PPA2: variants seen among roughly 807,000 people sequenced by gnomAD.
PPA2 encodes the protein inorganic pyrophosphatase 2.
A neutral mutation model predicts 49.5 loss-of-function variants in PPA2; 48 were observed. That is an observed-to-expected ratio of 0.97 (90% CI 0.77 to 1.23). PPA2 has a LOEUF of 1.23. Among genes scored for constraint, PPA2 ranks in the 50% most tolerant of loss-of-function variants. The pLI is 0.00. For synonymous variants in PPA2, 131 were observed against 139.9 expected (o/e 0.94, Z 0.45); for missense variants, 429 against 410.1 (o/e 1.05, Z -0.40).
chr4:105,422,395 A>G (rs548339165), intron 7 of PPA2, among the ~76,000 whole-genome samples: 29 of 152,348 alleles, frequency 1.9e-4, no homozygotes, highest in Admixed American at 1.9e-3. Flanking sequence ...ATATGAAAGG[A>G]ATTTAGAAAG....
chr4:105,415,122 G>A (rs529301476), intron 7 of PPA2, among the ~76,000 whole-genome samples: 67 of 152,282 alleles, frequency 4.4e-4, no homozygotes, highest in African/African-American at 1.3e-3. Flanking sequence ...CCCAGAAAAC[G>A]CACCTTAGGT....
intron 5 of PPA2, among the ~76,000 whole-genome samples, chr4:105,442,974 G>A (rs1368010010): frequency 1.3e-5 from 2 of 152,104 alleles, no homozygotes; most frequent in African/African-American, 4.8e-5. Context: ...CCTACTCCAT[G>A]GCAGGCATTA....
intron 9 of PPA2, among the ~76,000 whole-genome samples, chr4:105,395,349 T>C (rs1378984126): frequency 8.0e-6 from 1 of 125,560 alleles, no homozygotes; most frequent in Non-Finnish European, 1.9e-5. Context: ...AGGGACTCTA[T>C]CGTATTCATA....
At chr4:105,450,320 A>G (rs984531884) in intron 3 of PPA2, among the ~76,000 whole-genome samples, 7 of 152,092 alleles carry the variant, frequency 4.6e-5, no homozygotes, top group Admixed American at 3.9e-4. Context: ...TAAAAGAGCA[A>G]TTTTTATATC....
chr4:105,405,787 C>T (rs1367805403), intron 7 of PPA2: 1 of 534,098 alleles, frequency 1.9e-6, no homozygotes, highest in South Asian at 1.5e-5. Flanking sequence ...CTTTGTAGAC[C>T]CAAGAGGGAA....
At chr4:105,387,773 G>A (rs2110377771) in intron 9 of PPA2, among the ~76,000 whole-genome samples, 1 of 151,492 alleles carries the variant, frequency 6.6e-6, no homozygotes, top group South Asian at 2.1e-4. Flanking sequence ...AAAAGTTGAG[G>A]GGGAAAAAAA....
At chr4:105,422,977 C>T (rs1366705230) in intron 7 of PPA2, among the ~76,000 whole-genome samples, 2 of 152,166 alleles carry the variant, frequency 1.3e-5, no homozygotes, top group East Asian at 3.9e-4. Context: ...GGGACTATTA[C>T]CTTATCAATT....
intron 5 of PPA2, among the ~76,000 whole-genome samples, chr4:105,442,000 C>A (rs1298052715): frequency 1.6e-5 from 2 of 128,084 alleles, no homozygotes; most frequent in African/African-American, 6.1e-5. Flanking sequence ...TTTCCCACTA[C>A]CATCACTTTT....
intron 9 of PPA2, among the ~76,000 whole-genome samples, chr4:105,388,851 T>TAAAAA (rs1733789793): frequency 7.7e-6 from 1 of 129,310 alleles, no homozygotes; most frequent in Non-Finnish European, 1.6e-5. Flanking sequence ...AAAAAAAAAT[T>TAAAAA]AGCTGTTTTA....
chr4:105,403,105 C>A (rs929947426), intron 7 of PPA2, among the ~76,000 whole-genome samples: 1 of 152,044 alleles, frequency 6.6e-6, no homozygotes, highest in Admixed American at 6.5e-5. Context: ...CTCACTGCAA[C>A]CTTGACTTCC....
intron 5 of PPA2, among the ~76,000 whole-genome samples, chr4:105,444,290 T>C (rs1276819557): frequency 2.6e-5 from 4 of 152,160 alleles, no homozygotes; most frequent in African/African-American, 9.7e-5. Context: ...GATAGAGAAG[T>C]AAGCGGAGGC....
chr4:105,444,432 A>G (rs72950599), intron 5 of PPA2, among the ~76,000 whole-genome samples: 14,121 of 152,264 alleles, frequency 0.093, 1,355 homozygotes, highest in African/African-American at 0.25. Flanking sequence ...CAATTTGGAT[A>G]TTGGATGGAG....
intron 10 of PPA2, among the ~76,000 whole-genome samples, chr4:105,374,857 T>A (rs1048807702): frequency 6.6e-6 from 1 of 150,504 alleles, no homozygotes; most frequent in African/African-American, 2.4e-5. Context: ...TTTTCTTTTT[T>A]CTTTTTTTTT....
At chr4:105,427,011 A>C (rs909371215) in intron 6 of PPA2, among the ~76,000 whole-genome samples, 14 of 152,192 alleles carry the variant, frequency 9.2e-5, no homozygotes, top group Non-Finnish European at 1.6e-4. Context: ...TTCAGGCAGC[A>C]ATATTTGCTG....
chr4:105,439,321 C>A (rs1404840354), intron 5 of PPA2, among the ~76,000 whole-genome samples: 3 of 152,132 alleles, frequency 2.0e-5, no homozygotes, highest in Non-Finnish European at 4.4e-5. Flanking sequence ...TTTTTATGTG[C>A]AAATTATGAT....
intron 5 of PPA2, among the ~76,000 whole-genome samples, chr4:105,443,688 A>G (rs1724478574): frequency 6.6e-6 from 1 of 151,954 alleles, no homozygotes; most frequent in Non-Finnish European, 1.5e-5. Flanking sequence ...TCAGGTTTAA[A>G]AAAGTAGTAC....
intron 7 of PPA2, 45 bp downstream of exon 7, chr4:105,424,151 T>A: frequency 6.3e-7 from 1 of 1,580,192 alleles, no homozygotes; most frequent in Non-Finnish European, 8.5e-7. Flanking sequence ...AGAATTCCAA[T>A]GACACACTAA....
In PPA2 at chr4:105,431,939, G is replaced by A. The variant is rs142784373; in HGVS notation, c.528+6011C>T. ...CAGGGGCCAGTTAGAGAATGAAATG[G>A]GGAGTGACTGCTAATGGGGATGGGG... is the stretch of plus-strand genomic sequence containing the variant. On this transcript the variant is annotated intron_variant, in intron 6 of 11. Coordinates refer to ENST00000341695, the MANE Select transcript of PPA2 (RefSeq NM_176869.3). Among the ~76,000 whole-genome samples the A allele has an allele frequency of 3.0e-3, 452 of 152,244 alleles. 5 individuals are homozygous for A. The highest frequency in any genetic ancestry group is 0.01 in the African/African-American group (435 of 41,544).
At chr4:105,425,979 C>T (rs993753296) in intron 6 of PPA2, among the ~76,000 whole-genome samples, 8 of 151,924 alleles carry the variant, frequency 5.3e-5, no homozygotes, top group African/African-American at 7.3e-5. Flanking sequence ...TTCTTAAAAA[C>T]GCTACCAACC....
Sources: gnomAD v4.1 joint callset for allele counts (sites outside exome capture counted in the v4.1 genomes callset) on GRCh38, gnomAD v4.1.1 for gene constraint, MANE v1.5 for transcripts, NCBI Gene and HGNC (gene_info 2026-07-23, HGNC 2026-07-21) for gene names.